The following RRM2 variants were observed in gnomAD, a reference collection of about 807,000 sequenced individuals.
The protein encoded by RRM2 is ribonucleoside-diphosphate reductase subunit M2.
A neutral mutation model predicts 45.9 loss-of-function variants in RRM2; 6 were observed. The ratio of observed to expected loss-of-function variants is 0.13; its 90% CI spans 0.07 to 0.26. The LOEUF is 0.26. Ranked by LOEUF, RRM2 falls within the 10% of genes least tolerant of loss-of-function variation. The probability of loss-of-function intolerance (pLI) is 1.00; values close to 1 mark genes in which losing one functional copy is unlikely to be tolerated. For missense variants in RRM2, 343 were observed against 489.5 expected (o/e 0.70, Z 2.82); for synonymous variants, 177 against 173.0 (o/e 1.02, Z -0.18).
At chr2:10,136,270 AAAGAC>A (rs1430330457), downstream of RRM2, among the ~76,000 whole-genome samples, 1 of 152,224 alleles carries the variant, frequency 6.6e-6, no homozygotes, top group African/African-American at 2.4e-5. Flanking sequence ...TACCAGGTGA[AAAGAC>A]AAGACAGGTT....
rs114433578 is a variant in RRM2, at chr2:10,174,454, G to A, written n.482+32079G>A. Reference sequence around the variant, plus strand: ...AAGCTCTCCCAGCTCTGTGTCCCCCGCCAAAGCAGGCCCACAAGCGAGCGC... The same window carrying A: ...AAGCTCTCCCAGCTCTGTGTCCCCCACCAAAGCAGGCCCACAAGCGAGCGC... On this transcript the variant is annotated intron_variant and non_coding_transcript_variant, in intron 3 of 3. Transcript: ENST00000381786. Among the ~76,000 whole-genome samples the A allele has an allele frequency of 9.6e-3, 1,460 of 152,088 alleles. 29 individuals carry two copies. Among genetic ancestry groups the A allele is most frequent in the African/African-American group, 0.034 (1,401 of 41,476 alleles).
Position 10,130,484 on chromosome 2 carries a change from C to CCTGTAGTTCATACTTCAGTCA in RRM2, c.*1100_*1120dup, listed in dbSNP as rs1553321788. Reference sequence around the variant, plus strand: ...ATTATCTATGTTCTTCTAGATTTTACCTGTAGTTCATACTTCAGTCACCCA... The same window carrying CCTGTAGTTCATACTTCAGTCA: ...ATTATCTATGTTCTTCTAGATTTTACCTGTAGTTCATACTTCAGTCACTGTAGTTCATACTTCAGTCACCCA... On this transcript the variant is annotated 3_prime_UTR_variant, in exon 10 of 10. Transcript: ENST00000304567. 1 of 152,036 alleles carries CCTGTAGTTCATACTTCAGTCA rather than the reference C, an allele frequency of 6.6e-6. No individual in the cohort carries two copies. The highest frequency in any genetic ancestry group is 2.4e-5 in the African/African-American group (1 of 41,390). 9.4% of individuals were successfully genotyped at this position (152,036 alleles called of 1,614,324 possible).
At chr2:10,123,301 C>A (rs1294402962) in intron 2 of RRM2, 86 bp from the exon 3 acceptor site, 9 of 1,476,270 alleles carry the variant, frequency 6.1e-6, no homozygotes, top group Non-Finnish European at 8.1e-6. Flanking sequence ...GTGAAATTGC[C>A]GCCAATGGAA....
At chr2:10,146,538 G>A (rs1019970374) in intron 3 of RRM2, among the ~76,000 whole-genome samples, 1 of 152,220 alleles carries the variant, frequency 6.6e-6, no homozygotes, top group African/African-American at 2.4e-5. Flanking sequence ...GCACGGACAG[G>A]TTGCCTTCTG....
At position 10,171,074 on chromosome 2, in the gene RRM2, G is replaced by A. The variant is rs1483140844; in HGVS notation, n.482+28699G>A. ...CTCCACACTGAGCAGACCCAGCACA[G>A]GCTGCGCCACTCATCATTATAGGCT... is the stretch of plus-strand genomic sequence containing the variant. On this transcript the variant is annotated intron_variant and non_coding_transcript_variant, in intron 3 of 3. Coordinates refer to the RRM2 transcript ENST00000381786. The surrounding 1 kb of genome is among the most constrained non-coding windows in gnomAD (Gnocchi z 4.1). Among the ~76,000 whole-genome samples the A allele has an allele frequency of 6.6e-6, 1 of 152,176 alleles. No individual in the cohort carries two copies. The highest frequency in any genetic ancestry group is 2.4e-5 in the African/African-American group (1 of 41,440).
chr2:10,142,363 T>C, exon 3 of RRM2: 1 of 1,373,044 alleles, frequency 7.3e-7, no homozygotes, highest in South Asian at 1.1e-5. Flanking sequence ...CGGGAGGCAG[T>C]TGCAGCTTTC....
At chr2:10,123,576 C>T (rs1475507203) in intron 3 of RRM2, 46 bp downstream of exon 3, 13 of 1,577,650 alleles carry the variant, frequency 8.2e-6, no homozygotes, top group Non-Finnish European at 1.0e-5. Flanking sequence ...GACCGTCACG[C>T]CTCAGACATA....
At chr2:10,131,526 C>CTCAG (rs1221974363), downstream of RRM2, 3 of 152,124 alleles carry the variant, frequency 2.0e-5, no homozygotes, top group Admixed American at 2.0e-4. Flanking sequence ...ATCACCTGAG[C>CTCAG]TCAGGAGTTC....
downstream of RRM2, among the ~76,000 whole-genome samples, chr2:10,132,798 G>A (rs1316939865): frequency 1.3e-5 from 2 of 152,218 alleles, no homozygotes; most frequent in Non-Finnish European, 2.9e-5. Context: ...GGGCAGCCAG[G>A]CGTCAAGAAG....
chr2:10,129,142 G>A lies in RRM2; in HGVS notation c.1005G>A (p.Leu335=), dbSNP rs758044134. ...EFVADRLMLE[L]GFSKVFRVEN... is the part of the protein sequence containing the mutation. ...TGGCAGACAGACTTATGCTGGAACT[G>A]GGTTTTAGCAAGGTAAAGTATTGTT... is the stretch of plus-strand genomic sequence containing the variant. Residue 335 remains leucine, a synonymous_variant, in exon 9 of 10, where the codon CTG becomes CTA. Coordinates refer to ENST00000304567, the MANE Select transcript of RRM2 (RefSeq NM_001034.4). The surrounding 1 kb of genome is among the most constrained non-coding windows in gnomAD (Gnocchi z 4.8). The A allele has an allele frequency of 7.4e-6, 12 of 1,613,940 alleles. No homozygotes were observed. The highest frequency in any genetic ancestry group is 9.3e-6 in the Non-Finnish European group (11 of 1,179,814).
At position 10,171,643 on chromosome 2, in the gene RRM2, G is replaced by A. The variant is rs2125322435; in HGVS notation, n.482+29268G>A. Among the ~76,000 whole-genome samples, 1 of 152,290 alleles carries A rather than the reference G, an allele frequency of 6.6e-6. No individual in the cohort carries two copies. The highest frequency in any genetic ancestry group is 2.4e-5 in the African/African-American group (1 of 41,562). On this transcript the variant is annotated intron_variant and non_coding_transcript_variant, in intron 3 of 3. Coordinates refer to the RRM2 transcript ENST00000381786. The surrounding 1 kb of genome is among the most constrained non-coding windows in gnomAD (Gnocchi z 4.1). ...GGAGCAGCAGCAGCCGCTGTCCTGA[G>A]CATCTGGGTCAGGACGACACGGATG...
chr2:10,194,836 CT>C (rs1365064026), intron 3 of RRM2, among the ~76,000 whole-genome samples: 1 of 152,260 alleles, frequency 6.6e-6, no homozygotes, highest in Non-Finnish European at 1.5e-5. Flanking sequence ...CAGCCGCCCC[CT>C]GACTTTCCTC....
chr2:10,146,564 C>T (rs1297152519), intron 3 of RRM2, among the ~76,000 whole-genome samples: 2 of 152,210 alleles, frequency 1.3e-5, no homozygotes, highest in African/African-American at 4.8e-5. Context: ...TGCTAGCCCC[C>T]TTGCACTGGG....
At position 10,127,293 on chromosome 2, in the gene RRM2, G is replaced by A. The variant is rs952587321; in HGVS notation, c.798+73G>A. 2.0e-6 allele frequency: 3 copies of A among 1,497,500 alleles called. No homozygotes were observed. The highest frequency in any genetic ancestry group is 2.3e-5 in the South Asian group (2 of 86,374). The allele number at this position is 1,497,500 out of a possible 1,614,324, so 92.8% of individuals were successfully genotyped here. On this transcript the variant is annotated intron_variant, in intron 7 of 9. Coordinates refer to ENST00000304567, the MANE Select transcript of RRM2 (RefSeq NM_001034.4). The surrounding 1 kb of genome is among the most constrained non-coding windows in gnomAD (Gnocchi z 4.1). ...CGGGCATGCTCTTGTGTTCACTGAC[G>A]GGGACCTGAGATGCTAGATGGCATA...
At chr2:10,158,092 A>AT (rs1663472428) in intron 3 of RRM2, among the ~76,000 whole-genome samples, 1 of 152,212 alleles carries the variant, frequency 6.6e-6, no homozygotes, top group Non-Finnish European at 1.5e-5. Flanking sequence ...AAATGCTGCC[A>AT]TATGTAATCC....
chr2:10,174,276 C>T (rs1193979960), intron 3 of RRM2, among the ~76,000 whole-genome samples: 1 of 149,502 alleles, frequency 6.7e-6, no homozygotes, highest in South Asian at 2.1e-4. Flanking sequence ...TTCCTGTCTG[C>T]GGCCTGAGCT....
chr2:10,141,928 G>A, exon 2 of RRM2: 1 of 1,578,606 alleles, frequency 6.3e-7, no homozygotes, highest in African/African-American at 1.3e-5. Flanking sequence ...TGAGGGAGAT[G>A]GAGACCAATC....
chr2:10,125,877 C>T (rs1662767587), intron 5 of RRM2, among the ~76,000 whole-genome samples: 1 of 151,916 alleles, frequency 6.6e-6, no homozygotes, highest in African/African-American at 2.4e-5. Context: ...GAAAAGAAGG[C>T]AAAGATTAGG....
downstream of RRM2, among the ~76,000 whole-genome samples, chr2:10,135,162 A>G (rs1662968280): frequency 6.6e-6 from 1 of 152,180 alleles, no homozygotes; most frequent in African/African-American, 2.4e-5. Flanking sequence ...GAGCCAAAAG[A>G]GGATGGTGAT....
Sources: gnomAD v4.1 joint callset for allele counts (sites outside exome capture counted in the v4.1 genomes callset) on GRCh38, gnomAD v4.1.1 for gene constraint, Gnocchi (gnomAD v3.1) non-coding constraint, MANE v1.5 for transcripts, NCBI Gene and HGNC (gene_info 2026-07-23, HGNC 2026-07-21) for gene names.